The following ATP8A2 variants were observed in gnomAD, a reference collection of about 807,000 sequenced individuals.
The protein encoded by ATP8A2 is ATPase phospholipid transporting 8A2.
ATP8A2 carries 100 observed loss-of-function variants against 165.6 expected under a neutral mutation model. The ratio of observed to expected loss-of-function variants is 0.60; its 90% confidence interval spans 0.51 to 0.71. The LOEUF (loss-of-function observed/expected upper bound fraction) is 0.71. Among genes scored for constraint, ATP8A2 ranks in the 30% least tolerant of loss-of-function variants. The probability of loss-of-function intolerance (pLI) is 0.00; values close to 1 mark genes in which losing one functional copy is unlikely to be tolerated. For missense variants in ATP8A2, 1,227 were observed against 1,479.5 expected, an observed-to-expected ratio of 0.83 and a Z score of 2.80; for synonymous variants, 543 against 548.8, an observed-to-expected ratio of 0.99 and a Z score of 0.15.
chr13:25,635,291 G>A (rs2041342040), intron 24 of ATP8A2, among the ~76,000 whole-genome samples: 1 of 152,168 alleles, frequency 6.6e-6, no homozygotes, highest in African/African-American at 2.4e-5. Context: ...ACAGTGACTT[G>A]GGGAGAAAGC....
At chr13:25,435,018 G>C (rs553479200) in intron 1 of ATP8A2, among the ~76,000 whole-genome samples, 21 of 152,158 alleles carry the variant, frequency 1.4e-4, no homozygotes, top group Middle Eastern at 6.8e-3. Context: ...CTATGCATCC[G>C]TTCTGTGCTG....
At chr13:25,846,108 G>A (rs2138687625) in intron 30 of ATP8A2, among the ~76,000 whole-genome samples, 1 of 152,364 alleles carries the variant, frequency 6.6e-6, no homozygotes, top group South Asian at 2.1e-4. Flanking sequence ...CTGGGAGGCA[G>A]AGGTTGCAGT....
intron 1 of ATP8A2, among the ~76,000 whole-genome samples, chr13:25,405,681 T>C (rs1420436410): frequency 2.0e-5 from 3 of 152,212 alleles, no homozygotes; most frequent in Non-Finnish European, 4.4e-5. Flanking sequence ...CCACACCTTC[T>C]GGATCATGAG....
At chr13:25,523,148 A>G (rs114690635) in intron 2 of ATP8A2, among the ~76,000 whole-genome samples, 1,822 of 151,112 alleles carry the variant, frequency 0.012, 36 homozygotes, top group African/African-American at 0.041. Flanking sequence ...TTTTTCATCT[A>G]TGTTCATCAG....
intron 24 of ATP8A2, among the ~76,000 whole-genome samples, chr13:25,643,029 C>T (rs1355059165): frequency 6.6e-6 from 1 of 151,854 alleles, no homozygotes; most frequent in Non-Finnish European, 1.5e-5. Context: ...CACTTGGACA[C>T]AGGAAGGGGA....
intron 24 of ATP8A2, among the ~76,000 whole-genome samples, chr13:25,598,427 G>A (rs1291643458): frequency 6.6e-6 from 1 of 152,166 alleles, no homozygotes; most frequent in African/African-American, 2.4e-5. Context: ...GAAAATTTAT[G>A]TGTGGATTTA....
intron 35 of ATP8A2, among the ~76,000 whole-genome samples, chr13:25,977,856 G>GTGTC (rs1485588688): frequency 2.0e-5 from 3 of 152,208 alleles, no homozygotes; most frequent in Admixed American, 2.0e-4. Flanking sequence ...ATGGGAAGAA[G>GTGTC]TGTCCTCTTG....
intron 24 of ATP8A2, among the ~76,000 whole-genome samples, chr13:25,663,559 G>GA (rs2042093210): frequency 6.6e-6 from 1 of 151,588 alleles, no homozygotes; most frequent in African/African-American, 2.4e-5. Flanking sequence ...TTTATCCCAT[G>GA]ATTGTAGAGT....
At chr13:25,847,636 A>G (rs1270199681) in intron 30 of ATP8A2, among the ~76,000 whole-genome samples, 1 of 152,196 alleles carries the variant, frequency 6.6e-6, no homozygotes, top group Non-Finnish European at 1.5e-5. Context: ...TTAACCCAGT[A>G]AAGAGTTATT....
At chr13:25,424,442 G>T (rs1285525704) in intron 1 of ATP8A2, among the ~76,000 whole-genome samples, 4 of 152,154 alleles carry the variant, frequency 2.6e-5, no homozygotes, top group African/African-American at 4.8e-5. Flanking sequence ...GTTAATTGGT[G>T]ATTCCCTTCT....
rs143375659 is a variant in ATP8A2, at chr13:25,760,508, A to G, written c.2385-8538A>G. Among the ~76,000 whole-genome samples the G allele has an allele frequency of 4.6e-5, 7 of 152,326 alleles. No homozygotes were observed. The East Asian group carries it at 1.3e-3, about 29-fold the overall frequency. ...ATTTGAGGACTTAACATCCAACGTA[A>G]GAGGTGCAGTACACTTTAAGACACT... On this transcript the variant is annotated intron_variant, in intron 25 of 36. Coordinates refer to ENST00000381655, the MANE Select transcript of ATP8A2 (RefSeq NM_016529.6).
intron 1 of ATP8A2, among the ~76,000 whole-genome samples, chr13:25,380,321 G>A (rs2032791864): frequency 6.6e-6 from 1 of 152,136 alleles, no homozygotes; most frequent in South Asian, 2.1e-4. Context: ...TTTGTACAGA[G>A]TAGGCAATAC....
chr13:25,910,892 T>C (rs1954086509), intron 33 of ATP8A2, among the ~76,000 whole-genome samples: 1 of 152,138 alleles, frequency 6.6e-6, no homozygotes, highest in South Asian at 2.1e-4. Context: ...ATTTGTTTAA[T>C]GAGCAGATTA....
intron 16 of ATP8A2, among the ~76,000 whole-genome samples, chr13:25,566,696 A>G (rs577282616): frequency 2.0e-4 from 31 of 152,362 alleles, no homozygotes; most frequent in Middle Eastern, 3.4e-3. Flanking sequence ...GCAGCAAACT[A>G]TTGGATCCCC....
At chr13:25,792,777 G>A (rs759920423) in intron 27 of ATP8A2, among the ~76,000 whole-genome samples, 71 of 151,890 alleles carry the variant, frequency 4.7e-4, no homozygotes, top group Non-Finnish European at 8.5e-4. Flanking sequence ...AAAAATAGCC[G>A]GGGGTGGTGG....
At chr13:25,884,369 C>G (rs2138865534) in intron 33 of ATP8A2, among the ~76,000 whole-genome samples, 1 of 152,284 alleles carries the variant, frequency 6.6e-6, no homozygotes, top group Middle Eastern at 3.4e-3. Context: ...ACTCACCACC[C>G]ACACGCCCCA....
chr13:25,909,318 A>T (rs1954037496), intron 33 of ATP8A2, among the ~76,000 whole-genome samples: 1 of 152,334 alleles, frequency 6.6e-6, no homozygotes, highest in Middle Eastern at 3.4e-3. Context: ...ATTTGCAGTG[A>T]TGAATGTGCT....
At chr13:25,983,154 T>C (rs567526301) in intron 35 of ATP8A2, among the ~76,000 whole-genome samples, 85 of 152,254 alleles carry the variant, frequency 5.6e-4, no homozygotes, top group Non-Finnish European at 1.1e-3. Context: ...ATGCACCTTC[T>C]GTGTGTCTGC....
At chr13:25,756,099 C>G (rs543899151) in intron 25 of ATP8A2, among the ~76,000 whole-genome samples, 2 of 152,304 alleles carry the variant, frequency 1.3e-5, no homozygotes, top group South Asian at 4.1e-4. Flanking sequence ...AGCACTAGCT[C>G]TCAGCCTGGA....
Sources: gnomAD v4.1 joint callset for allele counts (sites outside exome capture counted in the v4.1 genomes callset) on GRCh38, gnomAD v4.1.1 for gene constraint, MANE v1.5 for transcripts, NCBI Gene and HGNC (gene_info 2026-07-23, HGNC 2026-07-21) for gene names.